SOX18: variants seen among roughly 807,000 people sequenced by gnomAD.
SOX18 encodes the protein transcription factor SOX-18.
Under a neutral mutation model 9.1 loss-of-function variants are expected in SOX18, and 2 were observed. The observed-to-expected ratio is 0.22, with a 90% confidence interval of 0.09 to 0.69. The LOEUF (loss-of-function observed/expected upper bound fraction) is 0.69. Ranked by LOEUF, SOX18 falls within the 30% of genes least tolerant of loss-of-function variation. SOX18 has a pLI of 0.80. For synonymous variants in SOX18, 292 were observed against 280.5 expected (o/e 1.04, Z -0.41); for missense variants, 542 against 567.3 (o/e 0.96, Z 0.45).
Position 64,048,473 on chromosome 20 carries a change from T to C in SOX18, c.848A>G (p.Tyr283Cys). Reference sequence around the variant, plus strand: ...GCCGGGCGTGCCCAGGGTGCCGTAGTACAGGCCAGCGAGCGGCGCCGCGGG... The same window carrying C: ...GCCGGGCGTGCCCAGGGTGCCGTAGCACAGGCCAGCGAGCGGCGCCGCGGG... ...APPAAPLAGL[Y>C]YGTLGTPGPY... The change falls in exon 2 of 2, where the codon TAC becomes TGC. Residue 283 changes from tyrosine to cysteine, a missense_variant. By Grantham distance (194) the Tyr-to-Cys change is radical (BLOSUM62 -2). Transcript: ENST00000340356. The C allele has an allele frequency of 2.4e-6, 3 of 1,268,254 alleles. No homozygotes were observed. Among genetic ancestry groups the C allele is most frequent in the Non-Finnish European group, 3.0e-6 (3 of 1,012,798 alleles). 78.6% of individuals were successfully genotyped at this position (1,268,254 alleles called of 1,614,324 possible).
rs1397211194 is a variant in SOX18, at chr20:64,048,295, C to A, written c.1026G>T (p.Gly342=). ...TGGCCAGTGCCACGTGGTACGGGAG[C>A]CCGGGGGCGTCGGGCCGAGTCCGGC... ...NCSRTRPDAP[G]LPYHVALAKL... The change falls in exon 2 of 2, where the codon GGG becomes GGT. Residue 342 remains glycine, a synonymous_variant. Transcript: ENST00000340356. 6.3e-7 allele frequency: 1 copy of A among 1,596,466 alleles called. No individual in the cohort carries two copies. Among genetic ancestry groups the A allele is most frequent in the East Asian group, 2.3e-5 (1 of 44,032 alleles).
rs965783245 is a variant in SOX18, at chr20:64,048,091, C to T, written c.*75G>A. ...CATACACGCGTATGAGAGAGCAGAG[C>T]GGCAGCGACGCGGTCGGATCGGTCG... On this transcript the variant is annotated 3_prime_UTR_variant, in exon 2 of 2. Coordinates refer to ENST00000340356, the MANE Select transcript of SOX18 (RefSeq NM_018419.3). 3.0e-6 allele frequency: 4 copies of T among 1,342,920 alleles called. No homozygotes were observed. The African/African-American group carries it at 4.3e-5, about 15-fold the overall frequency. 83.2% of individuals were successfully genotyped at this position (1,342,920 alleles called of 1,614,324 possible). A position where few individuals can be genotyped will look rare whatever the true frequency, so the allele number is the denominator to read the frequency against.
chr20:64,048,247 G>A lies in SOX18; in HGVS notation c.1074C>T (p.Ser358=). ...ALAKLGPRAM[S]CPEESSLISA... is the part of the protein sequence containing the mutation. ...AGATCAGGCTGCTCTCCTCTGGGCA[G>A]GACATGGCGCGCGGGCCCAGTTTGG... Residue 358 remains serine, a synonymous_variant, in exon 2 of 2, where the codon TCC becomes TCT. Coordinates refer to ENST00000340356, the MANE Select transcript of SOX18 (RefSeq NM_018419.3). 1.3e-6 allele frequency: 2 copies of A among 1,593,106 alleles called. No individual in the cohort carries two copies. Among genetic ancestry groups the A allele is most frequent in the African/African-American group, 1.3e-5 (1 of 74,742 alleles).
rs943833209 is a variant in SOX18, at chr20:64,047,648, T to G, written c.*518A>C. On this transcript the variant is annotated 3_prime_UTR_variant, in exon 2 of 2. Transcript: ENST00000340356. ...CGGGGACCCAGCTCCAGGCTCCTCC[T>G]TTATAGAAAGCAAACATCTGTATTC... 2.0e-5 allele frequency: 3 copies of G among 152,888 alleles called. No homozygotes were observed. Among genetic ancestry groups the G allele is most frequent in the Non-Finnish European group, 4.4e-5 (3 of 68,574 alleles). 9.5% of individuals were successfully genotyped at this position (152,888 alleles called of 1,614,324 possible). A position where few individuals can be genotyped will look rare whatever the true frequency, so the allele number is the denominator to read the frequency against.
Position 64,048,172 on chromosome 20 carries a change from G to C in SOX18, c.1149C>G (p.Ser383=). 6.5e-7 allele frequency: 1 copy of C among 1,549,568 alleles called. No individual in the cohort carries two copies. Among genetic ancestry groups the C allele is most frequent in the South Asian group, 1.2e-5 (1 of 84,792 alleles). The change falls in exon 2 of 2, where the codon TCC becomes TCG. Residue 383 remains serine (S), a synonymous_variant. Transcript: ENST00000340356. ...CCCGGGCGGCGCCGGCGGCCTAGCC[G>C]GAGATGCACGCGCTGTAATAGACCG... ...SSAVYYSACI[S]G
chr20:64,048,970 C>T lies in SOX18; in HGVS notation c.359-8G>A. On this transcript the variant is annotated splice_region_variant and splice_polypyrimidine_tract_variant and intron_variant, in intron 1 of 1. Coordinates refer to ENST00000340356, the MANE Select transcript of SOX18 (RefSeq NM_018419.3). ...GCTCCTTCCACGCTTTGCCTGCGGG[C>T]CGTGGGCGCCAGTGAGTGGAACGCC... 6.3e-7 allele frequency: 1 copy of T among 1,580,278 alleles called. No homozygotes were observed. Among genetic ancestry groups the T allele is most frequent in the South Asian group, 1.1e-5 (1 of 88,606 alleles).
chr20:64,049,133 T>G, intron 1 of SOX18, 26 bp downstream of exon 1: 5 of 768,184 alleles, frequency 6.5e-6, no homozygotes, highest in Non-Finnish European at 8.5e-6. Context: ...CCTCTCCCCC[T>G]TCTCTGCCGC....
rs778493666 is a variant in SOX18 at position 64,049,129 on chromosome 20, C to T, written c.358+30G>A. 4.4e-5 allele frequency: 60 copies of T among 1,371,306 alleles called. No homozygotes were observed. The Middle Eastern group carries it at 8.1e-4, about 19-fold the overall frequency. 84.9% of individuals were successfully genotyped at this position (1,371,306 alleles called of 1,614,324 possible). ...CGGCCCGAGCCCCCCCCGCCCTCTC[C>T]CCCTTCTCTGCCGCCCTCCCGCCGC... On this transcript the variant is annotated intron_variant, in intron 1 of 1. Transcript: ENST00000340356.
chr20:64,048,538 G>A lies in SOX18; in HGVS notation c.783C>T (p.Cys261=), dbSNP rs1245306336. 6 of 1,220,974 alleles carry A rather than the reference G, an allele frequency of 4.9e-6. No homozygotes were observed. Among genetic ancestry groups the A allele is most frequent in the Non-Finnish European group, 6.1e-6 (6 of 982,670 alleles). 75.6% of individuals were successfully genotyped at this position (1,220,974 alleles called of 1,614,324 possible). A position where few individuals can be genotyped will look rare whatever the true frequency, so the allele number is the denominator to read the frequency against. ...GCGCCTCCGCCAGGGGAGCCCCGTA[G>A]CAACCGCCGGGGTCCCGCGACAACT... ...PTELSRDPGG[C]YGAPLAEALR... The change falls in exon 2 of 2, where the codon TGC becomes TGT. Residue 261 remains cysteine, a synonymous_variant. Transcript: ENST00000340356.
At position 64,048,660 on chromosome 20, in the gene SOX18, C is replaced by G; in HGVS notation, c.661G>C (p.Asp221His). The change falls in exon 2 of 2, where the codon GAC (aspartate) becomes CAC (histidine). Residue 221 changes from aspartate (D) to histidine (H), a missense_variant. Physicochemically the swap from Asp to His is moderately conservative, Grantham distance 81 (BLOSUM62 -1). Transcript: ENST00000340356. ...GCAGCCTCGCCGGGCTCCAGGCCGT[C>G]CAGAGGCGAGCGCTCGGGCGTGGGC... The part of the protein sequence containing the change: ...GLPTPERSPL[D>H]GLEPGEAAFF... 1 of 1,308,960 alleles carries G rather than the reference C, an allele frequency of 7.6e-7. No individual in the cohort carries two copies. The highest frequency in any genetic ancestry group is 9.7e-7 in the Non-Finnish European group (1 of 1,035,466). 81.1% of individuals were successfully genotyped at this position (1,308,960 alleles called of 1,614,324 possible). A position where few individuals can be genotyped will look rare whatever the true frequency, so the allele number is the denominator to read the frequency against.
In SOX18 at chr20:64,048,103, G is replaced by C; in HGVS notation, c.*63C>G. The C allele has an allele frequency of 7.0e-7, 1 of 1,432,818 alleles. No homozygotes were observed. The highest frequency in any genetic ancestry group is 9.5e-7 in the Non-Finnish European group (1 of 1,055,406). The allele number at this position is 1,432,818 out of a possible 1,614,324, so 88.8% of individuals were successfully genotyped here. A position where few individuals can be genotyped will look rare whatever the true frequency, so the allele number is the denominator to read the frequency against. On this transcript the variant is annotated 3_prime_UTR_variant, in exon 2 of 2. Coordinates refer to ENST00000340356, the MANE Select transcript of SOX18 (RefSeq NM_018419.3). ...TGAGAGAGCAGAGCGGCAGCGACGC[G>C]GTCGGATCGGTCGCGGGGGCTGCGG...
rs2059423046 is a variant in SOX18 at position 64,049,590 on chromosome 20, G to T, written c.-74C>A. On this transcript the variant is annotated 5_prime_UTR_variant, in exon 1 of 2. Transcript: ENST00000340356. Reference sequence around the variant, plus strand: ...CGGGCGGCGGGCACTGGGGAGCCGGGCGCAAGGGCAGGCCAGGCCGGGAGG... The same window carrying T: ...CGGGCGGCGGGCACTGGGGAGCCGGTCGCAAGGGCAGGCCAGGCCGGGAGG... 5 of 948,512 alleles carry T rather than the reference G, an allele frequency of 5.3e-6. No homozygotes were observed. Among genetic ancestry groups the T allele is most frequent in the Non-Finnish European group, 6.3e-6 (5 of 789,426 alleles). 58.8% of individuals were successfully genotyped at this position (948,512 alleles called of 1,614,324 possible).
At chr20:64,049,026 C>G in intron 1 of SOX18, 64 bp from the exon 2 acceptor site, 1 of 1,482,702 alleles carries the variant, frequency 6.7e-7, no homozygotes, top group South Asian at 1.3e-5. Flanking sequence ...GCCCTCCGTG[C>G]GCCCGGGACG....
chr20:64,048,837 C>T lies in SOX18; in HGVS notation c.484G>A (p.Ala162Thr). ...GGCTCCAGCCGCCGGGCCTTGCGCG[C>T]CTGCTTCTTGCGGCGCGGCCGGTAC... ...YKYRPRRKKQARKARRLEPGL... is the reference protein window; with the variant it reads ...YKYRPRRKKQTRKARRLEPGL... Residue 162 changes from alanine to threonine, a missense_variant, in exon 2 of 2, where the codon GCG (alanine) becomes ACG (threonine). Physicochemically the swap from Ala to Thr is moderately conservative, Grantham distance 58. Transcript: ENST00000340356. 5 of 1,578,928 alleles carry T rather than the reference C, an allele frequency of 3.2e-6. No homozygotes were observed. Among genetic ancestry groups the T allele is most frequent in the Non-Finnish European group, 4.3e-6 (5 of 1,169,466 alleles).
At position 64,048,553 on chromosome 20, in the gene SOX18, C is replaced by T; in HGVS notation, c.768G>A (p.Arg256=). ...GAGCCCCGTAGCAACCGCCGGGGTC[C>T]CGCGACAACTCGGTGGGCGCGTAGG... ...RAPYAPTELS[R]DPGGCYGAPL... Residue 256 remains arginine, a synonymous_variant, in exon 2 of 2, where the codon CGG becomes CGA. Coordinates refer to ENST00000340356, the MANE Select transcript of SOX18 (RefSeq NM_018419.3). The T allele has an allele frequency of 1.6e-6, 2 of 1,222,988 alleles. No individual in the cohort carries two copies. The highest frequency in any genetic ancestry group is 2.0e-6 in the Non-Finnish European group (2 of 983,832). The allele number at this position is 1,222,988 out of a possible 1,614,324, so 75.8% of individuals were successfully genotyped here. A position where few individuals can be genotyped will look rare whatever the true frequency, so the allele number is the denominator to read the frequency against.
chr20:64,049,091 C>CG (rs2059416222), intron 1 of SOX18, 68 bp downstream of exon 1: 17 of 877,566 alleles, frequency 1.9e-5, no homozygotes, highest in Non-Finnish European at 2.2e-5. Flanking sequence ...CCCCTGCCCC[C>CG]CCCGCCCCAC....
Position 64,048,502 on chromosome 20 carries a change from C to A in SOX18, c.819G>T (p.Ala273=). 8.1e-7 allele frequency: 1 copy of A among 1,227,970 alleles called. No individual in the cohort carries two copies. The highest frequency in any genetic ancestry group is 1.0e-6 in the Non-Finnish European group (1 of 988,120). 76.1% of individuals were successfully genotyped at this position (1,227,970 alleles called of 1,614,324 possible). A position where few individuals can be genotyped will look rare whatever the true frequency, so the allele number is the denominator to read the frequency against. Residue 273 remains alanine (A), a synonymous_variant, in exon 2 of 2, where the codon GCG becomes GCT. Coordinates refer to ENST00000340356, the MANE Select transcript of SOX18 (RefSeq NM_018419.3). ...GGCCAGCGAGCGGCGCCGCGGGGGG[C>A]GCGGTCCTGAGCGCCTCCGCCAGGG... ...GAPLAEALRT[A]PPAAPLAGLY...
In SOX18 at chr20:64,049,321, G is replaced by A. The variant is rs757040201; in HGVS notation, c.196C>T (p.Arg66Cys). 2 of 1,436,186 alleles carry A rather than the reference G, an allele frequency of 1.4e-6. No homozygotes were observed. Among genetic ancestry groups the A allele is most frequent in the Non-Finnish European group, 1.8e-6 (2 of 1,081,230 alleles). 89.0% of individuals were successfully genotyped at this position (1,436,186 alleles called of 1,614,324 possible). A position where few individuals can be genotyped will look rare whatever the true frequency, so the allele number is the denominator to read the frequency against. The change falls in exon 1 of 2, where the codon CGC (arginine) becomes TGC (cysteine). Residue 66 changes from arginine to cysteine, a missense_variant. Coordinates refer to ENST00000340356, the MANE Select transcript of SOX18 (RefSeq NM_018419.3). ...RSPPRSPEPGRYGLSPAGRGE... is the reference protein window; with the variant it reads ...RSPPRSPEPGCYGLSPAGRGE... ...CGGCCGGCCGGGCTGAGGCCATAGC[G>A]CCCCGGCTCGGGGCTGCGCGGGGGA...
At position 64,048,517 on chromosome 20, in the gene SOX18, C is replaced by T; in HGVS notation, c.804G>A (p.Glu268=). 8.2e-7 allele frequency: 1 copy of T among 1,222,238 alleles called. No individual in the cohort carries two copies. 75.7% of individuals were successfully genotyped at this position (1,222,238 alleles called of 1,614,324 possible). A position where few individuals can be genotyped will look rare whatever the true frequency, so the allele number is the denominator to read the frequency against. Residue 268 remains glutamate, a synonymous_variant, in exon 2 of 2, where the codon GAG becomes GAA. Transcript: ENST00000340356. ...PGGCYGAPLA[E]ALRTAPPAAP... ...CCGCGGGGGGCGCGGTCCTGAGCGC[C>T]TCCGCCAGGGGAGCCCCGTAGCAAC...
Sources: allele counts gnomAD v4.1 joint callset, GRCh38; gene constraint gnomAD v4.1.1; transcripts MANE v1.5; gene names NCBI Gene and HGNC (gene_info 2026-07-23, HGNC 2026-07-21).